IQANK1: variants seen among roughly 807,000 people sequenced by gnomAD.
IQANK1 encodes the protein IQ motif and ankyrin repeat containing 1.
IQANK1 carries 30 observed loss-of-function variants against 22.6 expected under a neutral mutation model. The ratio of observed to expected loss-of-function variants is 1.33; its 90% CI spans 0.99 to 1.80. The LOEUF (loss-of-function observed/expected upper bound fraction) is 1.80. IQANK1 is among the 40% of genes most tolerant of loss of function. The pLI, the probability that IQANK1 is intolerant of heterozygous loss-of-function variation, is 0.00. For synonymous variants in IQANK1, 122 were observed against 99.6 expected (o/e 1.23, Z -1.34); for missense variants, 275 against 235.2 (o/e 1.17, Z -1.11).
rs1392998580 is a variant in IQANK1 at position 143,749,315 on chromosome 8, T to A, written c.175+9367T>A. ...TATATAATATATAAAAATATAAAAATATATATAAAAATATATAAAATATAT... is the reference window on the plus strand; with the variant it reads ...TATATAATATATAAAAATATAAAAAAATATATAAAAATATATAAAATATAT... On this transcript the variant is annotated intron_variant, in intron 3 of 13. Coordinates refer to ENST00000527139, the MANE Select transcript of IQANK1 (RefSeq NM_001381874.1). 5.5e-4 allele frequency among the ~76,000 whole-genome samples: 56 copies of A among 101,052 alleles called. No individual in the cohort carries two copies. The East Asian group carries it at 7.0e-3, about 13-fold the overall frequency. The allele number at this position is 101,052 out of a possible 152,430, so 66.3% of individuals were successfully genotyped here.
intron 3 of IQANK1, among the ~76,000 whole-genome samples, chr8:143,766,730 T>C (rs1819487931): frequency 6.6e-6 from 1 of 152,198 alleles, no homozygotes; most frequent in Non-Finnish European, 1.5e-5. Flanking sequence ...TTGGGTATTT[T>C]TTGTGGTGGT....
chr8:143,766,057 G>A lies in IQANK1; in HGVS notation c.176-5431G>A, dbSNP rs954195161. Among the ~76,000 whole-genome samples, 3 of 152,160 alleles carry A rather than the reference G, an allele frequency of 2.0e-5. No individual in the cohort carries two copies. The East Asian group carries it at 5.8e-4, about 29-fold the overall frequency. The stretch of plus-strand genomic sequence containing the variant: ...TCCCCACAGCAGTGTAGGGACCGGT[G>A]TTCTGCAAGCCTCCCGTGGGTAGTA... On this transcript the variant is annotated intron_variant, in intron 3 of 13. Coordinates refer to ENST00000527139, the MANE Select transcript of IQANK1 (RefSeq NM_001381874.1).
Position 143,789,882 on chromosome 8 carries a change from T to TG in IQANK1, c.1195+17dup. The TG allele has an allele frequency of 8.1e-7, 1 of 1,231,820 alleles. No homozygotes were observed. Among genetic ancestry groups the TG allele is most frequent in the South Asian group, 4.1e-5 (1 of 24,318 alleles). The allele number at this position is 1,231,820 out of a possible 1,614,324, so 76.3% of individuals were successfully genotyped here. ...CAGACGCAGGAGGGTGGGCCTGGCA[T>TG]GGGGCGCCGGCTGGGGGCTGGGACA... On this transcript the variant is annotated intron_variant, in intron 11 of 13. Coordinates refer to ENST00000527139, the MANE Select transcript of IQANK1 (RefSeq NM_001381874.1).
At chr8:143,749,032 A>T (rs1218383738) in intron 3 of IQANK1, among the ~76,000 whole-genome samples, 1 of 121,846 alleles carries the variant, frequency 8.2e-6, no homozygotes, top group Non-Finnish European at 1.6e-5. Context: ...ATATAAAAAT[A>T]TAAATATATA....
intron 3 of IQANK1, among the ~76,000 whole-genome samples, chr8:143,750,966 G>GT (rs572143258): frequency 6.6e-6 from 1 of 150,596 alleles, no homozygotes; most frequent in Admixed American, 6.6e-5. Context: ...GTGTGTGTGT[G>GT]TTTTTTTGTA....
At position 143,735,489 on chromosome 8, in the gene IQANK1, C is replaced by T. The variant is rs1248964022; in HGVS notation, c.-4-361C>T. Among the ~76,000 whole-genome samples the T allele has an allele frequency of 7.2e-6, 1 of 138,242 alleles. No homozygotes were observed. The highest frequency in any genetic ancestry group is 6.8e-5 in the Admixed American group (1 of 14,720). 90.7% of individuals were successfully genotyped at this position (138,242 alleles called of 152,430 possible). A position where few individuals can be genotyped will look rare whatever the true frequency, so the allele number is the denominator to read the frequency against. Reference sequence around the variant, plus strand: ...GCAGAGAGGGCCATGCTCATGATTACGGTGAGAACAAAGACCGGCCCACTG... The same window carrying T: ...GCAGAGAGGGCCATGCTCATGATTATGGTGAGAACAAAGACCGGCCCACTG... On this transcript the variant is annotated intron_variant, in intron 1 of 13. Coordinates refer to ENST00000527139, the MANE Select transcript of IQANK1 (RefSeq NM_001381874.1). The surrounding 1 kb of genome is among the most constrained non-coding windows in gnomAD (Gnocchi z 5.2).
chr8:143,785,360 G>A lies in IQANK1; in HGVS notation c.790-3555G>A, dbSNP rs571413091. ...CAACCTCTGCCTCCCAGGTTCAAGC[G>A]ATTCTCATGCCTCAGCCTCCCGAGT... On this transcript the variant is annotated intron_variant, in intron 7 of 13. Transcript: ENST00000527139. Among the ~76,000 whole-genome samples the A allele has an allele frequency of 4.8e-5, 7 of 146,476 alleles. No homozygotes were observed. In the East Asian group the frequency reaches 6.2e-4, roughly 13 times the overall value.
chr8:143,775,787 TAC>T (rs35665050), intron 7 of IQANK1, among the ~76,000 whole-genome samples: 1,886 of 129,100 alleles, frequency 0.015, 51 homozygotes, highest in Admixed American at 0.088. Context: ...ATAGCTGTAT[TAC>T]ACACACACAC....
At chr8:143,738,347 G>C (rs1212210944) in intron 2 of IQANK1, among the ~76,000 whole-genome samples, 1 of 152,198 alleles carries the variant, frequency 6.6e-6, no homozygotes, top group African/African-American at 2.4e-5. Flanking sequence ...TACAGTGGCC[G>C]TGTGCTCCCA....
chr8:143,775,716 C>T (rs552565021), intron 7 of IQANK1, among the ~76,000 whole-genome samples: 38 of 150,362 alleles, frequency 2.5e-4, no homozygotes, highest in African/African-American at 8.3e-4. Context: ...GAGCTGAGAT[C>T]GCGCCACTGG....
intron 3 of IQANK1, among the ~76,000 whole-genome samples, chr8:143,749,073 A>G (rs1554627678): frequency 8.2e-6 from 1 of 122,260 alleles, no homozygotes; most frequent in African/African-American, 3.3e-5. Flanking sequence ...TATATCATAT[A>G]TGATATAAAT....
intron 3 of IQANK1, among the ~76,000 whole-genome samples, chr8:143,760,750 A>G (rs931880079): frequency 1.3e-5 from 2 of 152,242 alleles, no homozygotes; most frequent in African/African-American, 4.8e-5. Flanking sequence ...AGTTTAAAGT[A>G]ACAAGAAGGA....
At chr8:143,748,586 AGATAT>A (rs1819083689) in intron 3 of IQANK1, among the ~76,000 whole-genome samples, 1 of 134,128 alleles carries the variant, frequency 7.5e-6, no homozygotes, top group Non-Finnish European at 1.5e-5. Flanking sequence ...ATATAAATAT[AGATAT>A]GATATATATC....
intron 3 of IQANK1, among the ~76,000 whole-genome samples, chr8:143,763,505 G>T (rs1417089277): frequency 6.6e-6 from 1 of 152,168 alleles, no homozygotes; most frequent in South Asian, 2.1e-4. Context: ...TTTGGATCAT[G>T]GGGGCGGGTC....
intron 7 of IQANK1, among the ~76,000 whole-genome samples, chr8:143,776,238 G>A (rs1256381915): frequency 2.0e-5 from 3 of 147,830 alleles, no homozygotes; most frequent in Non-Finnish European, 3.0e-5. Context: ...GGAGAATGGC[G>A]TGAACCCAAG....
At chr8:143,766,810 T>A (rs774614811) in intron 3 of IQANK1, among the ~76,000 whole-genome samples, 1 of 152,256 alleles carries the variant, frequency 6.6e-6, no homozygotes, top group Non-Finnish European at 1.5e-5. Flanking sequence ...ACGAGCTTTA[T>A]GGTTTTGCCT....
chr8:143,785,174 G>A (rs1397625242), intron 7 of IQANK1, among the ~76,000 whole-genome samples: 3 of 151,662 alleles, frequency 2.0e-5, no homozygotes, highest in African/African-American at 7.3e-5. Context: ...GATCCCTTGT[G>A]GAGCTATTTC....
chr8:143,783,914 G>C (rs953974310), intron 7 of IQANK1, among the ~76,000 whole-genome samples: 1 of 152,166 alleles, frequency 6.6e-6, no homozygotes, highest in Non-Finnish European at 1.5e-5. Flanking sequence ...TGGGATCGCT[G>C]TTCTGTTCCA....
intron 3 of IQANK1, among the ~76,000 whole-genome samples, chr8:143,748,338 G>C (rs909474437): frequency 5.3e-5 from 8 of 150,508 alleles, no homozygotes; most frequent in Non-Finnish European, 1.0e-4. Flanking sequence ...CTGCCTGGTG[G>C]TTCTATCCAT....
Sources: gnomAD v4.1 joint callset for allele counts (sites outside exome capture counted in the v4.1 genomes callset) on GRCh38, gnomAD v4.1.1 for gene constraint, Gnocchi (gnomAD v3.1) non-coding constraint, MANE v1.5 for transcripts, NCBI Gene and HGNC (gene_info 2026-07-23, HGNC 2026-07-21) for gene names.